The following SPC24 variants were observed in gnomAD, a reference collection of about 807,000 sequenced individuals.
SPC24 encodes the protein kinetochore protein Spc24.
A neutral mutation model predicts 27.6 loss-of-function variants in SPC24; 31 were observed. That is an observed-to-expected ratio of 1.12 (90% CI 0.84 to 1.52). The LOEUF is 1.52. SPC24 is among the 40% of genes most tolerant of loss of function. The pLI is 0.00. For synonymous variants in SPC24, 105 were observed against 105.8 expected, an observed-to-expected ratio of 0.99 and a Z score of 0.05; for missense variants, 284 against 252.5, an observed-to-expected ratio of 1.12 and a Z score of -0.84.
intron 1 of SPC24, among the ~76,000 whole-genome samples, chr19:11,153,212 G>A (rs539054356): frequency 4.4e-4 from 67 of 151,972 alleles, no homozygotes; most frequent in African/African-American, 5.3e-4. Flanking sequence ...TTGGGAGGTC[G>A]GGGCAGGTGG....
rs1294578437 is a variant in SPC24 at position 11,149,142 on chromosome 19, C to T, written c.257G>A (p.Gly86Glu). Residue 86 changes from glycine to glutamate, a missense_variant, in exon 2 of 5, where the codon GGG becomes GAG. Transcript: ENST00000592540. The part of the protein sequence containing the change: ...GGVELQQLEA[G>E]LQEAGEEDTR... ...GTCCTCCTCCCCAGCCTCCTGAAGC[C>T]CAGCTTCCAGCTGCTGCAGCTCCAC... is the stretch of plus-strand genomic sequence containing the variant. 10 of 1,549,604 alleles carry T rather than the reference C, an allele frequency of 6.5e-6. No individual in the cohort carries two copies. Among genetic ancestry groups the T allele is most frequent in the Non-Finnish European group, 7.0e-6 (8 of 1,146,796 alleles).
chr19:11,151,387 C>T (rs1051803482), intron 1 of SPC24, among the ~76,000 whole-genome samples: 1 of 150,328 alleles, frequency 6.7e-6, no homozygotes, highest in Non-Finnish European at 1.5e-5. Context: ...CTTGCTTATG[C>T]TGCTATTTCT....
At chr19:11,148,399 G>A (rs1179335981) in intron 2 of SPC24, among the ~76,000 whole-genome samples, 2 of 152,046 alleles carry the variant, frequency 1.3e-5, no homozygotes, top group Non-Finnish European at 2.9e-5. Context: ...GTAGAGACAG[G>A]GTTTCACCAT....
Position 11,146,322 on chromosome 19 carries a change from A to G in SPC24, c.*861T>C, listed in dbSNP as rs1004871864. Reference sequence around the variant, plus strand: ...AACCTTGAAGTACCTGGGAGCTGTCATCGAATACCACGGTGTCATTTGTCC... The same window carrying G: ...AACCTTGAAGTACCTGGGAGCTGTCGTCGAATACCACGGTGTCATTTGTCC... On this transcript the variant is annotated 3_prime_UTR_variant, in exon 5 of 5. Transcript: ENST00000592540. 3.3e-5 allele frequency: 5 copies of G among 151,738 alleles called. No individual in the cohort carries two copies. In the Admixed American group the frequency reaches 3.3e-4, roughly 10 times the overall value. The allele number at this position is 151,738 out of a possible 1,614,324, so 9.4% of individuals were successfully genotyped here.
Position 11,149,219 on chromosome 19 carries a change from C to T in SPC24, c.180G>A (p.Lys60=). The T allele has an allele frequency of 1.3e-6, 2 of 1,548,536 alleles. No homozygotes were observed. Among genetic ancestry groups the T allele is most frequent in the South Asian group, 2.4e-5 (2 of 83,602 alleles). The change falls in exon 2 of 5, where the codon AAG becomes AAA. Residue 60 remains lysine, a synonymous_variant. Coordinates refer to ENST00000592540, the MANE Select transcript of SPC24 (RefSeq NM_182513.4). ...CATTGAGAAGGCTCTGGGCCACTTCCTTCTCCATGGTGAGGATCTCTGCAG... is the reference window on the plus strand; with the variant it reads ...CATTGAGAAGGCTCTGGGCCACTTCTTTCTCCATGGTGAGGATCTCTGCAG... ...KQLREILTME[K]EVAQSLLNAK...
chr19:11,149,344 C>T (rs1876351654), intron 1 of SPC24, 106 bp from the exon 2 acceptor site: 6 of 1,068,158 alleles, frequency 5.6e-6, no homozygotes, highest in Non-Finnish European at 7.7e-6. Context: ...TGCCCCTTGT[C>T]TGCAGCCCTG....
At position 11,149,123 on chromosome 19, in the gene SPC24, C is replaced by G; in HGVS notation, c.276G>C (p.Glu92Asp). Residue 92 changes from glutamate to aspartate, a missense_variant, in exon 2 of 5, where the codon GAG becomes GAC. Glu to Asp is a conservative substitution (Grantham distance 45, BLOSUM62 2). Coordinates refer to ENST00000592540, the MANE Select transcript of SPC24 (RefSeq NM_182513.4). Reference sequence around the variant, plus strand: ...GGCTGGCCTTCAGACGGGTGTCCTCCTCCCCAGCCTCCTGAAGCCCAGCTT... The same window carrying G: ...GGCTGGCCTTCAGACGGGTGTCCTCGTCCCCAGCCTCCTGAAGCCCAGCTT... ...QLEAGLQEAG[E>D]EDTRLKASLL... The G allele has an allele frequency of 6.5e-7, 1 of 1,547,586 alleles. No homozygotes were observed.
At chr19:11,151,915 T>TG (rs1210698033) in intron 1 of SPC24, among the ~76,000 whole-genome samples, 1 of 150,298 alleles carries the variant, frequency 6.7e-6, no homozygotes, top group Non-Finnish European at 1.5e-5. Flanking sequence ...GCCTTTTTTT[T>TG]TTTTTAAACT....
Position 11,155,757 on chromosome 19 carries a change from A to T in SPC24, c.20T>A (p.Ile7Lys), listed in dbSNP as rs1385949008. 1 of 1,550,104 alleles carries T rather than the reference A, an allele frequency of 6.5e-7. No homozygotes were observed. The highest frequency in any genetic ancestry group is 1.4e-5 in the African/African-American group (1 of 72,076). MAAFRD[I>K]EEVSQGLLSL... ...GAGCAGCCCCTGGCTCACCTCCTCT[A>T]TGTCGCGGAAGGCGGCCATGACTAC... is the stretch of plus-strand genomic sequence containing the variant. Residue 7 changes from isoleucine to lysine, a missense_variant, in exon 1 of 5, where the codon ATA becomes AAA. Physicochemically the swap from Ile to Lys is moderately radical, Grantham distance 102. Coordinates refer to ENST00000592540, the MANE Select transcript of SPC24 (RefSeq NM_182513.4).
At chr19:11,150,480 C>T (rs1164312771) in intron 1 of SPC24, among the ~76,000 whole-genome samples, 2 of 148,388 alleles carry the variant, frequency 1.3e-5, no homozygotes, top group Non-Finnish European at 3.0e-5. Flanking sequence ...AGCAAGACTC[C>T]ATCTTAAAAA....
chr19:11,149,000 G>A, intron 2 of SPC24, 94 bp downstream of exon 2: 3 of 1,254,186 alleles, frequency 2.4e-6, no homozygotes, highest in South Asian at 3.8e-5. Context: ...TCCCACCTGG[G>A]CTTCCCAAAG....
Position 11,149,110 on chromosome 19 carries a change from G to C in SPC24, c.289C>G (p.Leu97Val). 2 of 1,542,376 alleles carry C rather than the reference G, an allele frequency of 1.3e-6. No individual in the cohort carries two copies. Among genetic ancestry groups the C allele is most frequent in the South Asian group, 1.2e-5 (1 of 83,128 alleles). ...LQEAGEEDTR[L>V]KASLLQLTRE... ...AAAGGATATAGGAGGCTGGCCTTCA[G>C]ACGGGTGTCCTCCTCCCCAGCCTCC... The change falls in exon 2 of 5, where the codon CTG (leucine) becomes GTG (valine). Residue 97 changes from leucine (L) to valine (V), a missense_variant. Leu to Val is a conservative substitution (Grantham distance 32, BLOSUM62 1). Coordinates refer to ENST00000592540, the MANE Select transcript of SPC24 (RefSeq NM_182513.4).
At chr19:11,147,433 T>C (rs2077835372) in intron 4 of SPC24, 144 bp from the exon 5 acceptor site, 2 of 604,462 alleles carry the variant, frequency 3.3e-6, no homozygotes, top group Non-Finnish European at 5.8e-6. Flanking sequence ...CGATCTCGGC[T>C]CATTGCAACC....
intron 1 of SPC24, among the ~76,000 whole-genome samples, chr19:11,154,795 G>A (rs1031847270): frequency 5.3e-5 from 8 of 152,158 alleles, no homozygotes; most frequent in Non-Finnish European, 1.2e-4. Flanking sequence ...CAGAGCTTCA[G>A]TTTGGAAAGA....
chr19:11,148,014 C>G lies in SPC24; in HGVS notation c.409G>C (p.Val137Leu). ...EDTTVTIPSAVYVAQLYHQVS... is the reference protein window; with the variant it reads ...EDTTVTIPSALYVAQLYHQVS... ...GGCACACGTTTTGGCAGAACCTACA[C>G]GGCCGAGGGGATTGTGACTGTCGTG... The change falls in exon 3 of 5, where the codon GTG becomes CTG. Residue 137 changes from valine to leucine, a missense_variant and splice_region_variant. Val to Leu is a conservative substitution (Grantham distance 32). Coordinates refer to ENST00000592540, the MANE Select transcript of SPC24 (RefSeq NM_182513.4). 1 of 1,613,356 alleles carries G rather than the reference C, an allele frequency of 6.2e-7. No individual in the cohort carries two copies. Among genetic ancestry groups the G allele is most frequent in the Non-Finnish European group, 8.5e-7 (1 of 1,179,572 alleles).
intron 4 of SPC24, 129 bp from the exon 5 acceptor site, chr19:11,147,418 T>C: frequency 4.7e-6 from 3 of 632,950 alleles, no homozygotes; most frequent in Non-Finnish European, 5.4e-6. Flanking sequence ...TGGAGTACAG[T>C]GGTGCGATCT....
chr19:11,150,976 A>C (rs1219062436), intron 1 of SPC24, among the ~76,000 whole-genome samples: 1 of 152,192 alleles, frequency 6.6e-6, no homozygotes, highest in South Asian at 2.1e-4. Context: ...ATCCTGGCTA[A>C]CATGGTGAAA....
chr19:11,147,546 G>A (rs560908002), intron 4 of SPC24: 61 of 562,896 alleles, frequency 1.1e-4, no homozygotes, highest in Middle Eastern at 9.5e-4. Context: ...TGCCCACCTC[G>A]GCCTCCCAAA....
At chr19:11,154,247 A>T (rs917411499) in intron 1 of SPC24, among the ~76,000 whole-genome samples, 2 of 151,910 alleles carry the variant, frequency 1.3e-5, no homozygotes, top group African/African-American at 4.8e-5. Flanking sequence ...TTTAAAATGG[A>T]CGGAAATTCT....
Sources: gnomAD v4.1 joint callset for allele counts (sites outside exome capture counted in the v4.1 genomes callset) on GRCh38, gnomAD v4.1.1 for gene constraint, MANE v1.5 for transcripts, NCBI Gene and HGNC (gene_info 2026-07-23, HGNC 2026-07-21) for gene names.